The following GRIP2 variants were observed in gnomAD, a reference collection of about 807,000 sequenced individuals.
GRIP2 encodes the protein glutamate receptor interacting protein 2.
GRIP2 carries 58 observed loss-of-function variants against 108.3 expected under a neutral mutation model. The observed-to-expected ratio is 0.54, with a 90% confidence interval of 0.43 to 0.67. The LOEUF is 0.67. Ranked by LOEUF, GRIP2 falls within the 30% of genes least tolerant of loss-of-function variation. The pLI is 0.00. For synonymous variants in GRIP2, 586 were observed against 598.2 expected (o/e 0.98, Z 0.30); for missense variants, 1,278 against 1,430.6 (o/e 0.89, Z 1.72).
At position 14,496,527 on chromosome 3, in the gene GRIP2, C is replaced by T. The variant is rs1321955084; in HGVS notation, c.2713G>A (p.Ala905Thr). Residue 905 changes from alanine to threonine, a missense_variant, in exon 22 of 24, where the codon GCC becomes ACC. Physicochemically the swap from Ala to Thr is moderately conservative, Grantham distance 58. Transcript: ENST00000621039. ...SIMTGTVQRV[A>T]LEGRPGHRPW... ...CGGTGGCCAGGCCTGCCCTCGAGGG[C>T]CACCCTCTGCACGGTGCCCGTCATG... The T allele has an allele frequency of 5.0e-6, 8 of 1,612,480 alleles. No homozygotes were observed. The highest frequency in any genetic ancestry group is 1.7e-4 in the Middle Eastern group (1 of 6,052).
At chr3:14,497,270 A>G (rs1292570304) in intron 21 of GRIP2, among the ~76,000 whole-genome samples, 1 of 152,196 alleles carries the variant, frequency 6.6e-6, no homozygotes. Context: ...CCCAGCCCCA[A>G]AGTCAGGACT....
upstream of GRIP2, chr3:14,541,777 G>T: frequency 1.2e-6 from 1 of 832,600 alleles, no homozygotes; most frequent in Non-Finnish European, 1.8e-6. Context: ...CTCAGCCACA[G>T]GGTGGGTGGT....
chr3:14,565,167 C>T, the GRIP2 span, among the ~76,000 whole-genome samples: 1 of 152,172 alleles, frequency 6.6e-6, no homozygotes, highest in Non-Finnish European at 1.5e-5. Flanking sequence ...GCCAGTGAGA[C>T]CCTCATCTGG....
At chr3:14,524,250 G>A (rs534271431) in intron 4 of GRIP2, 143 bp downstream of exon 4, 16 of 914,378 alleles carry the variant, frequency 1.7e-5, no homozygotes, top group South Asian at 3.5e-5. Context: ...GCCCCTAGGC[G>A]AGGTATGGAT....
At chr3:14,586,925 A>C in the GRIP2 span, among the ~76,000 whole-genome samples, 4 of 152,236 alleles carry the variant, frequency 2.6e-5, no homozygotes, top group Non-Finnish European at 4.4e-5. Context: ...AAAACAAAAC[A>C]TAAAATAATG....
At chr3:14,597,705 C>CAAAGCA in the GRIP2 span, among the ~76,000 whole-genome samples, 19 of 150,934 alleles carry the variant, frequency 1.3e-4, no homozygotes, top group South Asian at 6.3e-4. Context: ...CTTTTACCCA[C>CAAAGCA]AAAGCAAAAG....
At chr3:14,586,459 G>A in the GRIP2 span, among the ~76,000 whole-genome samples, 12 of 152,214 alleles carry the variant, frequency 7.9e-5, no homozygotes, top group African/African-American at 2.9e-4. Flanking sequence ...AGGCAGGCAG[G>A]AGAGGCAGCA....
the GRIP2 span, among the ~76,000 whole-genome samples, chr3:14,585,148 G>A: frequency 1.4e-4 from 22 of 152,192 alleles, 1 homozygote; most frequent in East Asian, 1.6e-3. Context: ...TCTGTCTCCC[G>A]AGTAGCCGGG....
At chr3:14,504,747 T>C (rs964866563) in intron 20 of GRIP2, among the ~76,000 whole-genome samples, 3 of 152,202 alleles carry the variant, frequency 2.0e-5, no homozygotes, top group African/African-American at 7.2e-5. Context: ...TTCAAGTCAA[T>C]TCCACAGACA....
chr3:14,550,204 T>C (rs1575035337), intron 1 of GRIP2, among the ~76,000 whole-genome samples: 3 of 152,250 alleles, frequency 2.0e-5, no homozygotes, highest in African/African-American at 2.4e-5. Context: ...CCGCCTCCCA[T>C]TCCCAGCACC....
At chr3:14,524,153 A>G (rs966266037) in intron 4 of GRIP2, 2 of 575,606 alleles carry the variant, frequency 3.5e-6, no homozygotes, top group Non-Finnish European at 6.1e-6. Flanking sequence ...GCTAAAGGAA[A>G]AGCATCTGGA....
intron 22 of GRIP2, 21 bp downstream of exon 22, chr3:14,496,396 G>A: frequency 1.3e-6 from 2 of 1,594,526 alleles, no homozygotes; most frequent in Non-Finnish European, 1.7e-6. Flanking sequence ...CAGGTCTCCT[G>A]TGCTCACCCC....
intron 1 of GRIP2, among the ~76,000 whole-genome samples, chr3:14,535,537 C>G (rs116283913): frequency 6.6e-6 from 1 of 152,216 alleles, no homozygotes; most frequent in South Asian, 2.1e-4. Flanking sequence ...TTCCTAAGCA[C>G]GATCTCATTT....
upstream of GRIP2, among the ~76,000 whole-genome samples, chr3:14,540,838 T>C (rs1359725267): frequency 6.6e-6 from 1 of 152,196 alleles, no homozygotes. This position sits in a 1 kb window ranked among gnomAD's most constrained non-coding sequence, Gnocchi z 4.1. Flanking sequence ...ACCCTTGAGC[T>C]TGGAGACCCT....
intron 1 of GRIP2, among the ~76,000 whole-genome samples, chr3:14,552,299 G>A (rs1256834094): frequency 6.6e-6 from 1 of 152,168 alleles, no homozygotes; most frequent in Non-Finnish European, 1.5e-5. Flanking sequence ...CGGAAGGAGG[G>A]AGTGAATAAT....
rs61731939 is a variant in GRIP2 at position 14,505,690 on chromosome 3, G to A, written c.2498C>T (p.Thr833Met). 72,361 of 1,601,538 alleles carry A rather than the reference G, an allele frequency of 0.045. 1,918 individuals are homozygous for A. The highest frequency in any genetic ancestry group is 0.12 in the East Asian group (5,392 of 44,248). The stretch of plus-strand genomic sequence containing the variant: ...GTCAGCTGGGGTTGGGGTATAGCTC[G>A]TCCTCCGGGGCTCGGTGGGTGGGGG... ...GSPPPTEPRR[T>M]SYTPTPADES... The change falls in exon 20 of 24, where the codon ACG (threonine) becomes ATG (methionine). Residue 833 changes from threonine (T) to methionine (M), a missense_variant. Coordinates refer to ENST00000621039, the MANE Select transcript of GRIP2 (RefSeq NM_001080423.4). This position sits in a 1 kb window ranked among gnomAD's most constrained non-coding sequence, Gnocchi z 4.2.
upstream of GRIP2, among the ~76,000 whole-genome samples, chr3:14,541,623 G>C (rs560936411): frequency 3.3e-5 from 5 of 152,324 alleles, no homozygotes; most frequent in African/African-American, 1.2e-4. Flanking sequence ...AGGGCTACTT[G>C]TGCTTTTGTA....
upstream of GRIP2, among the ~76,000 whole-genome samples, chr3:14,543,165 C>T (rs1695004908): frequency 6.6e-6 from 1 of 152,222 alleles, no homozygotes; most frequent in South Asian, 2.1e-4. Context: ...AGAGATACAG[C>T]CAGGCCTGGG....
upstream of GRIP2, among the ~76,000 whole-genome samples, chr3:14,541,654 C>T (rs936030829): frequency 6.6e-6 from 1 of 152,194 alleles, no homozygotes. Context: ...CAAGACCCTG[C>T]CCTGCCGCCC....
Sources: allele counts gnomAD v4.1 joint callset (sites outside exome capture counted in the v4.1 genomes callset), GRCh38; gene constraint gnomAD v4.1.1; non-coding constraint Gnocchi (gnomAD v3.1); transcripts MANE v1.5; gene names NCBI Gene and HGNC (gene_info 2026-07-23, HGNC 2026-07-21).